GPHN: variants seen among roughly 807,000 people sequenced by gnomAD.
GPHN encodes the protein gephyrin.
A neutral mutation model predicts 95.5 loss-of-function variants in GPHN; 17 were observed. That is an observed-to-expected ratio of 0.18 (90% confidence interval 0.12 to 0.27). The LOEUF (loss-of-function observed/expected upper bound fraction) is 0.27, where lower values mean the gene tolerates loss of function less well. GPHN is among the 10% of genes least tolerant of loss of function. The pLI, the probability that GPHN is intolerant of heterozygous loss-of-function variation, is 1.00. For synonymous variants in GPHN, 320 were observed against 322.5 expected, an observed-to-expected ratio of 0.99 and a Z score of 0.08; for missense variants, 660 against 978.1, an observed-to-expected ratio of 0.67 and a Z score of 4.34.
the GPHN span, among the ~76,000 whole-genome samples, chr14:67,681,356 G>T: frequency 6.6e-6 from 1 of 152,230 alleles, no homozygotes; most frequent in African/African-American, 2.4e-5. Context: ...TGCTATGGCA[G>T]CCTTAACAGA....
chr14:67,646,602 C>G, the GPHN span: 4 of 1,488,852 alleles, frequency 2.7e-6, no homozygotes, highest in African/African-American at 2.8e-5. Flanking sequence ...TTGGTGAGAA[C>G]AAGAATTCTT....
chr14:67,493,764 A>G, the GPHN span, among the ~76,000 whole-genome samples: 1 of 152,222 alleles, frequency 6.6e-6, no homozygotes, highest in Admixed American at 6.5e-5. Context: ...TGGAATGGCC[A>G]CAGAGACCAC....
chr14:67,496,396 T>TTTTTTG, the GPHN span, among the ~76,000 whole-genome samples: 43 of 117,066 alleles, frequency 3.7e-4, 1 homozygote, highest in African/African-American at 1.4e-3. Context: ...CCGGCGTTTT[T>TTTTTTG]TTTTTTTTTT....
the GPHN span, among the ~76,000 whole-genome samples, chr14:67,671,833 AG>A: frequency 6.6e-6 from 1 of 152,336 alleles, no homozygotes; most frequent in East Asian, 1.9e-4. Context: ...GGCAAGCAAG[AG>A]AGGGCTGAAC....
At chr14:67,429,381 C>A in the GPHN span, among the ~76,000 whole-genome samples, 2 of 151,778 alleles carry the variant, frequency 1.3e-5, no homozygotes, top group Admixed American at 6.5e-5. Flanking sequence ...CAGGCACCCA[C>A]CACCACGCCC....
chr14:67,387,234 C>A, the GPHN span: 4 of 1,254,258 alleles, frequency 3.2e-6, no homozygotes, highest in Non-Finnish European at 4.4e-6. Context: ...ACAAAACTTA[C>A]AAAGAAGTCA....
intron 1 of GPHN, among the ~76,000 whole-genome samples, chr14:66,640,423 A>G (rs558395643): frequency 6.6e-6 from 1 of 152,340 alleles, no homozygotes; most frequent in African/African-American, 2.4e-5. Flanking sequence ...CTCTGCCTCA[A>G]CAAAACAACA....
At chr14:67,381,231 A>T in the GPHN span, among the ~76,000 whole-genome samples, 1 of 152,208 alleles carries the variant, frequency 6.6e-6, no homozygotes, top group Non-Finnish European at 1.5e-5. Flanking sequence ...CTCCTGATGA[A>T]CATTTAGGTT....
At chr14:67,349,053 C>A in the GPHN span, 1 of 1,614,090 alleles carries the variant, frequency 6.2e-7, no homozygotes, top group Non-Finnish European at 8.5e-7. Flanking sequence ...CATTATCTTT[C>A]TTCGCTCGAA....
intron 5 of GPHN, among the ~76,000 whole-genome samples, chr14:66,913,375 A>G (rs1014127324): frequency 6.6e-6 from 1 of 151,786 alleles, no homozygotes; most frequent in African/African-American, 2.4e-5. Context: ...AAGTCTTACT[A>G]CTGTCACCCA....
intron 5 of GPHN, among the ~76,000 whole-genome samples, chr14:66,903,568 A>G (rs773092549): frequency 6.6e-6 from 1 of 152,136 alleles, no homozygotes; most frequent in African/African-American, 2.4e-5. Flanking sequence ...TAGGTAACAC[A>G]TAGTTGAGTC....
chr14:66,974,550 T>C lies in GPHN; in HGVS notation c.963+9225T>C, dbSNP rs114452334. ...ATGAAATTTGATATCTGAGAAGATATAGCAAACCAAAAATTGCTAACTGTA... is the reference window on the plus strand; with the variant it reads ...ATGAAATTTGATATCTGAGAAGATACAGCAAACCAAAAATTGCTAACTGTA... On this transcript the variant is annotated intron_variant, in intron 9 of 22. Transcript: ENST00000478722. 7.1e-3 allele frequency among the ~76,000 whole-genome samples: 1,075 copies of C among 152,206 alleles called. 5 individuals carry two copies. The highest frequency in any genetic ancestry group is 0.025 in the African/African-American group (1,025 of 41,554).
the GPHN span, among the ~76,000 whole-genome samples, chr14:67,539,091 C>G: frequency 0.018 from 2,756 of 152,292 alleles, 75 homozygotes; most frequent in African/African-American, 0.058. Context: ...TAGCCCTGAA[C>G]TGAGTTGCGA....
At chr14:67,555,692 T>G in the GPHN span, 295 of 1,313,360 alleles carry the variant, frequency 2.2e-4, no homozygotes, top group African/African-American at 4.0e-3. Context: ...CCTGACACTC[T>G]CGAGCCACTT....
chr14:67,159,288 C>A (rs2081822279), intron 18 of GPHN, 127 bp from the exon 19 acceptor site: 1 of 724,512 alleles, frequency 1.4e-6, no homozygotes, highest in Non-Finnish European at 2.5e-6. Flanking sequence ...TTAAGCAAAT[C>A]AACTCCATTA....
At chr14:67,563,819 C>T in the GPHN span, among the ~76,000 whole-genome samples, 5 of 149,820 alleles carry the variant, frequency 3.3e-5, no homozygotes, top group African/African-American at 7.4e-5. Flanking sequence ...CTGCAACCTC[C>T]GCCTCCCAGG....
At chr14:67,674,189 C>T in the GPHN span, among the ~76,000 whole-genome samples, 2 of 152,314 alleles carry the variant, frequency 1.3e-5, no homozygotes, top group Admixed American at 6.5e-5. Context: ...GAACTGAATC[C>T]CGAGGTCCAA....
At chr14:66,528,387 G>T (rs569718437) in intron 1 of GPHN, among the ~76,000 whole-genome samples, 1 of 152,282 alleles carries the variant, frequency 6.6e-6, no homozygotes, top group Admixed American at 6.5e-5. Flanking sequence ...CCTGAATACA[G>T]CACACCAATG....
rs1056047190 is a variant in GPHN at position 66,684,235 on chromosome 14, G to C, written c.143+3050G>C. Reference sequence around the variant, plus strand: ...AATTAAGAATTTTAGCCTCAATACTGTTAGAAAGGAAGACAGAATAATAGA... The same window carrying C: ...AATTAAGAATTTTAGCCTCAATACTCTTAGAAAGGAAGACAGAATAATAGA... On this transcript the variant is annotated intron_variant, in intron 2 of 22. Transcript: ENST00000478722. 3.3e-5 allele frequency among the ~76,000 whole-genome samples: 5 copies of C among 152,222 alleles called. No homozygotes were observed. The South Asian group carries it at 1.0e-3, about 32-fold the overall frequency.
Sources: gnomAD v4.1 joint callset for allele counts (sites outside exome capture counted in the v4.1 genomes callset) on GRCh38, gnomAD v4.1.1 for gene constraint, MANE v1.5 for transcripts, NCBI Gene and HGNC (gene_info 2026-07-23, HGNC 2026-07-21) for gene names.